Variants in HS6ST3 observed in about 807,000 individuals in gnomAD.
The protein encoded by HS6ST3 is heparan-sulfate 6-O-sulfotransferase 3.
In HS6ST3, 12 loss-of-function variants were observed where a neutral mutation model predicts 36.7. The observed-to-expected ratio is 0.33, with a 90% CI of 0.21 to 0.53. HS6ST3 has a LOEUF of 0.53. Among genes scored for constraint, HS6ST3 ranks in the 20% least tolerant of loss-of-function variants. HS6ST3 has a pLI of 0.95. For missense variants in HS6ST3, 584 were observed against 640.9 expected (o/e 0.91, Z 0.96); for synonymous variants, 240 against 257.5 (o/e 0.93, Z 0.65).
At chr13:96,148,328 A>C (rs768014432) in intron 1 of HS6ST3, among the ~76,000 whole-genome samples, 25 of 152,210 alleles carry the variant, frequency 1.6e-4, no homozygotes, top group Non-Finnish European at 3.2e-4. Flanking sequence ...TATATATTCA[A>C]TGAGAGATTA....
chr13:96,723,338 G>A (rs926574451), intron 1 of HS6ST3, among the ~76,000 whole-genome samples: 2 of 152,016 alleles, frequency 1.3e-5, no homozygotes, highest in Non-Finnish European at 2.9e-5. Context: ...GAAACCCCTG[G>A]ACTGTGATGA....
chr13:96,467,296 G>A (rs188020951), intron 1 of HS6ST3, among the ~76,000 whole-genome samples: 3 of 152,282 alleles, frequency 2.0e-5, no homozygotes, highest in Admixed American at 1.3e-4. Context: ...GGAGAAAGAA[G>A]GCAGGACTGT....
chr13:96,796,392 G>T (rs760132060), intron 1 of HS6ST3, among the ~76,000 whole-genome samples: 1 of 152,030 alleles, frequency 6.6e-6, no homozygotes. Flanking sequence ...TAATTCAAAG[G>T]ATCACTTCAC....
chr13:96,539,722 A>G (rs1439188996), intron 1 of HS6ST3, among the ~76,000 whole-genome samples: 1 of 152,158 alleles, frequency 6.6e-6, no homozygotes, highest in Non-Finnish European at 1.5e-5. Context: ...CCTGGAATTG[A>G]AAAGAGAAAC....
At chr13:96,453,185 A>G (rs1024588435) in intron 1 of HS6ST3, among the ~76,000 whole-genome samples, 4 of 151,952 alleles carry the variant, frequency 2.6e-5, no homozygotes, top group African/African-American at 4.8e-5. Flanking sequence ...CTTTTTAAAA[A>G]AAAAAAAAAA....
At chr13:96,331,397 C>T (rs1425964933) in intron 1 of HS6ST3, among the ~76,000 whole-genome samples, 5 of 150,644 alleles carry the variant, frequency 3.3e-5, no homozygotes, top group Admixed American at 2.0e-4. Context: ...TTCCTTCTAA[C>T]AGACAGGACC....
At chr13:96,616,834 G>A (rs2056475883) in intron 1 of HS6ST3, among the ~76,000 whole-genome samples, 1 of 152,126 alleles carries the variant, frequency 6.6e-6, no homozygotes, top group Admixed American at 6.5e-5. Flanking sequence ...TGTTTCCTTT[G>A]CACCTGGTAG....
chr13:96,737,657 A>G (rs1006335589), intron 1 of HS6ST3, among the ~76,000 whole-genome samples: 12 of 146,282 alleles, frequency 8.2e-5, no homozygotes, highest in African/African-American at 2.0e-4. Flanking sequence ...AAAAAAAAAA[A>G]GAGATTATTT....
chr13:96,380,987 T>A (rs1295878642), intron 1 of HS6ST3, among the ~76,000 whole-genome samples: 1 of 152,170 alleles, frequency 6.6e-6, no homozygotes, highest in Non-Finnish European at 1.5e-5. Context: ...ATTCAAGAAG[T>A]GGTGTGGAGA....
At chr13:96,358,546 C>CA (rs2055221158) in intron 1 of HS6ST3, among the ~76,000 whole-genome samples, 1 of 151,448 alleles carries the variant, frequency 6.6e-6, no homozygotes, top group African/African-American at 2.4e-5. Context: ...ATAAAACACA[C>CA]AAAAAAAGCA....
At chr13:96,143,991 T>A (rs1252471696) in intron 1 of HS6ST3, among the ~76,000 whole-genome samples, 1 of 152,188 alleles carries the variant, frequency 6.6e-6, no homozygotes, top group Non-Finnish European at 1.5e-5. Context: ...GTGTTTCTCA[T>A]TAACTTGGGG....
intron 1 of HS6ST3, among the ~76,000 whole-genome samples, chr13:96,266,420 G>A (rs1238818345): frequency 6.6e-6 from 1 of 152,166 alleles, no homozygotes; most frequent in East Asian, 1.9e-4. Context: ...GGTCTGGGCT[G>A]AAGGACAGGA....
chr13:96,446,275 T>C (rs1468473199), intron 1 of HS6ST3, among the ~76,000 whole-genome samples: 1 of 152,134 alleles, frequency 6.6e-6, no homozygotes, highest in Non-Finnish European at 1.5e-5. Context: ...AAAAGTTGAG[T>C]TCCAAAGTAA....
At chr13:96,411,716 T>A (rs1211179006) in intron 1 of HS6ST3, among the ~76,000 whole-genome samples, 1 of 152,158 alleles carries the variant, frequency 6.6e-6, no homozygotes, top group Non-Finnish European at 1.5e-5. Context: ...TAGTTAGGTA[T>A]TGCAGACATT....
intron 1 of HS6ST3, among the ~76,000 whole-genome samples, chr13:96,788,761 T>A (rs1877714251): frequency 6.6e-6 from 1 of 151,946 alleles, no homozygotes; most frequent in Non-Finnish European, 1.5e-5. Flanking sequence ...ATTGACCCTC[T>A]TATTATCATG....
At position 96,799,201 on chromosome 13, in the gene HS6ST3, G is replaced by T. The variant is rs151147269; in HGVS notation, c.708-33289G>T. ...GAATTGCCACACTGACTTCCACAATGGTTGAACTAGTTTACAGTCCCACCA... is the reference window on the plus strand; with the variant it reads ...GAATTGCCACACTGACTTCCACAATTGTTGAACTAGTTTACAGTCCCACCA... On this transcript the variant is annotated intron_variant, in intron 1 of 1. Coordinates refer to ENST00000376705, the MANE Select transcript of HS6ST3 (RefSeq NM_153456.4). Among the ~76,000 whole-genome samples, 845 of 152,190 alleles carry T rather than the reference G, an allele frequency of 5.6e-3. 19 individuals carry two copies. Among genetic ancestry groups the T allele is most frequent in the African/African-American group, 0.019 (793 of 41,536 alleles).
At chr13:96,210,894 A>G (rs2054395708) in intron 1 of HS6ST3, among the ~76,000 whole-genome samples, 1 of 150,192 alleles carries the variant, frequency 6.7e-6, no homozygotes, top group Non-Finnish European at 1.5e-5. Context: ...ACACCCAGCC[A>G]GTGTTGTTAT....
intron 1 of HS6ST3, among the ~76,000 whole-genome samples, chr13:96,352,920 T>C (rs72644307): frequency 6.6e-6 from 1 of 152,154 alleles, no homozygotes; most frequent in Non-Finnish European, 1.5e-5. Flanking sequence ...GAGATTTAAA[T>C]AACTTCTCCA....
intron 1 of HS6ST3, among the ~76,000 whole-genome samples, chr13:96,507,238 A>G (rs2056030202): frequency 6.6e-6 from 1 of 152,142 alleles, no homozygotes; most frequent in African/African-American, 2.4e-5. Flanking sequence ...CACTATAGAC[A>G]CTGTTTTGGT....
Sources: allele counts gnomAD v4.1 joint callset (sites outside exome capture counted in the v4.1 genomes callset), GRCh38; gene constraint gnomAD v4.1.1; transcripts MANE v1.5; gene names NCBI Gene and HGNC (gene_info 2026-07-23, HGNC 2026-07-21).